The following ITGB8 variants were observed in gnomAD, a reference collection of about 807,000 sequenced individuals.
The protein encoded by ITGB8 is integrin beta-8.
ITGB8 carries 30 observed loss-of-function variants against 89.5 expected under a neutral mutation model. The observed-to-expected ratio is 0.34, with a 90% CI of 0.25 to 0.45. ITGB8 has a LOEUF of 0.45. ITGB8 is among the 20% of genes least tolerant of loss of function. ITGB8 has a pLI of 1.00. For missense variants in ITGB8, 836 were observed against 933.3 expected (o/e 0.90, Z 1.36); for synonymous variants, 335 against 320.4 (o/e 1.05, Z -0.49).
At chr7:20,356,339 C>A (rs960483664) in intron 1 of ITGB8, among the ~76,000 whole-genome samples, 1 of 151,968 alleles carries the variant, frequency 6.6e-6, no homozygotes, top group African/African-American at 2.4e-5. Context: ...TATTTCTCTG[C>A]AAAAGAGAGA....
chr7:20,372,518 A>T (rs1785975226), intron 3 of ITGB8, among the ~76,000 whole-genome samples: 1 of 151,938 alleles, frequency 6.6e-6, no homozygotes, highest in Non-Finnish European at 1.5e-5. Context: ...TTAAACTGGG[A>T]TGTCTTGAGT....
chr7:20,413,092 C>A lies in ITGB8; in HGVS notation c.*3095C>A, dbSNP rs949595324. 6.6e-6 allele frequency: 1 copy of A among 152,110 alleles called. No individual in the cohort carries two copies. Among genetic ancestry groups the A allele is most frequent in the Admixed American group, 6.6e-5 (1 of 15,266 alleles). 9.4% of individuals were successfully genotyped at this position (152,110 alleles called of 1,614,324 possible). On this transcript the variant is annotated 3_prime_UTR_variant, in exon 14 of 14. Transcript: ENST00000222573. ...TTATTTCTCTGGGGACACCATTGCA[C>A]TGCAGTGCACACGTATTTATAAACA...
At position 20,379,113 on chromosome 7, in the gene ITGB8, T is replaced by A. The variant is rs144386896; in HGVS notation, c.451T>A (p.Tyr151Asn). 1.2e-6 allele frequency: 2 copies of A among 1,602,232 alleles called. No individual in the cohort carries two copies. The highest frequency in any genetic ancestry group is 1.3e-5 in the African/African-American group (1 of 74,442). The change falls in exon 4 of 14, where the codon TAT (tyrosine) becomes AAT (asparagine). Residue 151 changes from tyrosine (Y) to asparagine (N), a missense_variant. Around this residue, in one of 5 missense-constraint regions of ITGB8, gnomAD observed 38 missense variants for 52.2 expected, o/e 0.73. Coordinates refer to ENST00000222573, the MANE Select transcript of ITGB8 (RefSeq NM_002214.3). ...PLKKYPVDLYYLVDVSASMHN... is the reference protein window; with the variant it reads ...PLKKYPVDLYNLVDVSASMHN... ...GAAGAAATATCCTGTGGATCTTTAT[T>A]ATCTTGTTGATGTCTCAGCATCAAT...
rs1169590417 is a variant in ITGB8 at position 20,404,687 on chromosome 7, T to C, written c.1747T>C (p.Cys583Arg). 1 of 1,614,026 alleles carries C rather than the reference T, an allele frequency of 6.2e-7. No homozygotes were observed. Among genetic ancestry groups the C allele is most frequent in the Non-Finnish European group, 8.5e-7 (1 of 1,180,036 alleles). The part of the protein sequence containing the change: ...QCFSGWEGDR[C>R]QCPSAAAQHC... ...CTTCAGTGGCTGGGAAGGTGATCGA[T>C]GCCAGTGCCCTTCAGCAGCAGCCCA... Residue 583 changes from cysteine (C) to arginine (R), a missense_variant, in exon 11 of 14, where the codon TGC (cysteine) becomes CGC (arginine). Transcript: ENST00000222573.
At chr7:20,392,213 C>T (rs1025671035) in intron 7 of ITGB8, among the ~76,000 whole-genome samples, 9 of 152,258 alleles carry the variant, frequency 5.9e-5, no homozygotes, top group Non-Finnish European at 1.0e-4. Flanking sequence ...TTTCATGAAG[C>T]TATGACACCC....
chr7:20,356,177 A>G (rs772839204), intron 1 of ITGB8, among the ~76,000 whole-genome samples: 1 of 152,148 alleles, frequency 6.6e-6, no homozygotes. Flanking sequence ...CTTATTTTCA[A>G]AGAAGTAGGC....
intron 1 of ITGB8, among the ~76,000 whole-genome samples, chr7:20,351,214 T>C (rs1195305099): frequency 5.9e-5 from 9 of 152,224 alleles, no homozygotes. Flanking sequence ...ATTTAAGAAC[T>C]AATAATAGTA....
chr7:20,384,545 C>T (rs1329083413), intron 6 of ITGB8, among the ~76,000 whole-genome samples: 2 of 152,146 alleles, frequency 1.3e-5, no homozygotes, highest in Non-Finnish European at 2.9e-5. Flanking sequence ...CATAATTAGC[C>T]TCCTTTTACA....
At chr7:20,364,742 G>A (rs911648015) in intron 2 of ITGB8, 3 of 152,234 alleles carry the variant, frequency 2.0e-5, no homozygotes, top group African/African-American at 7.2e-5. Flanking sequence ...TCCCATCACT[G>A]CCTGTGAGCC....
intron 3 of ITGB8, among the ~76,000 whole-genome samples, chr7:20,374,452 T>C (rs749995950): frequency 1.8e-4 from 27 of 149,654 alleles, no homozygotes; most frequent in Non-Finnish European, 2.8e-4. Context: ...GTAAATATTT[T>C]ACATAGATTA....
intron 1 of ITGB8, among the ~76,000 whole-genome samples, chr7:20,348,973 C>CTA (rs1302638754): frequency 1.3e-5 from 2 of 152,110 alleles, no homozygotes; most frequent in African/African-American, 4.8e-5. Context: ...GCAATATGGA[C>CTA]TATAGTTCAT....
At chr7:20,350,424 A>G (rs1317138182) in intron 1 of ITGB8, among the ~76,000 whole-genome samples, 1 of 152,214 alleles carries the variant, frequency 6.6e-6, no homozygotes, top group Non-Finnish European at 1.5e-5. Context: ...CTGGGATTAC[A>G]GGCATGAGCC....
intron 1 of ITGB8, among the ~76,000 whole-genome samples, chr7:20,353,994 A>G (rs1260260788): frequency 6.6e-6 from 1 of 151,640 alleles, no homozygotes; most frequent in Non-Finnish European, 1.5e-5. Flanking sequence ...CATAGAGATG[A>G]ATTCATCTAG....
intron 1 of ITGB8, among the ~76,000 whole-genome samples, chr7:20,341,628 G>A (rs1784757840): frequency 6.6e-6 from 1 of 152,168 alleles, no homozygotes; most frequent in South Asian, 2.1e-4. Flanking sequence ...GAAGGGAAGG[G>A]GGCTCTTGAG....
intron 3 of ITGB8, among the ~76,000 whole-genome samples, 194 bp downstream of exon 3, chr7:20,367,380 C>A (rs1026540773): frequency 2.6e-5 from 4 of 152,168 alleles, no homozygotes; most frequent in African/African-American, 7.2e-5. Context: ...ACACTGCAAA[C>A]CTGACCACAC....
Position 20,331,045 on chromosome 7 carries a change from G to T in ITGB8, c.-762G>T, listed in dbSNP as rs1372997880. The T allele has an allele frequency of 6.6e-6, 1 of 152,448 alleles. No individual in the cohort carries two copies. The highest frequency in any genetic ancestry group is 1.5e-5 in the Non-Finnish European group (1 of 68,188). The allele number at this position is 152,448 out of a possible 1,614,324, so 9.4% of individuals were successfully genotyped here. ...TCCCCTCCTGCGCTCGCAGCCGCAG[G>T]CCCCACTCCCCGCCAGGGAGGGAGC... On this transcript the variant is annotated 5_prime_UTR_variant, in exon 1 of 14. Coordinates refer to ENST00000222573, the MANE Select transcript of ITGB8 (RefSeq NM_002214.3).
chr7:20,380,895 T>TA, intron 5 of ITGB8, 64 bp downstream of exon 5: 2 of 1,367,552 alleles, frequency 1.5e-6, no homozygotes, highest in Non-Finnish European at 2.0e-6. Flanking sequence ...TTTAGACGTT[T>TA]TATTTTCTCT....
intron 11 of ITGB8, among the ~76,000 whole-genome samples, chr7:20,405,333 T>A (rs916880078): frequency 8.3e-4 from 123 of 148,006 alleles, no homozygotes; most frequent in African/African-American, 2.8e-3. Flanking sequence ...ATATATTTTT[T>A]TTTTGTGACA....
At chr7:20,402,158 T>C (rs768342128) in intron 10 of ITGB8, 32 bp downstream of exon 10, 2 of 1,532,762 alleles carry the variant, frequency 1.3e-6, no homozygotes, top group South Asian at 2.5e-5. Flanking sequence ...CAGCTTTTAC[T>C]TGTCACTATT....
Sources: gnomAD v4.1 joint callset for allele counts (sites outside exome capture counted in the v4.1 genomes callset) on GRCh38, gnomAD v4.1.1 for gene constraint, gnomAD v4.1.1 regional missense constraint, MANE v1.5 for transcripts, NCBI Gene and HGNC (gene_info 2026-07-23, HGNC 2026-07-21) for gene names.